RALYL: variants seen among roughly 807,000 people sequenced by gnomAD.
The protein encoded by RALYL is RALY RNA binding protein like.
A neutral mutation model predicts 35.1 loss-of-function variants in RALYL; 29 were observed. The observed-to-expected ratio is 0.83, with a 90% CI of 0.61 to 1.13. The LOEUF is 1.13. Among genes scored for constraint, RALYL ranks in the 50% most tolerant of loss-of-function variants. The pLI is 0.00. For missense variants in RALYL, 359 were observed against 360.4 expected, an observed-to-expected ratio of 1.00 and a Z score of 0.03; for synonymous variants, 120 against 127.6, an observed-to-expected ratio of 0.94 and a Z score of 0.40.
At chr8:84,506,610 T>A (rs2134323177) in intron 1 of RALYL, among the ~76,000 whole-genome samples, 1 of 152,116 alleles carries the variant, frequency 6.6e-6, no homozygotes, top group Admixed American at 6.6e-5. Context: ...CTGAATATCA[T>A]AAAAATTTTA....
At chr8:84,477,733 AT>A (rs1216643046) in intron 1 of RALYL, among the ~76,000 whole-genome samples, 10 of 151,568 alleles carry the variant, frequency 6.6e-5, no homozygotes, top group African/African-American at 1.9e-4. Flanking sequence ...ACAGAAAGTA[AT>A]TTTTACCATT....
chr8:84,876,305 A>G (rs1350066563), intron 7 of RALYL, among the ~76,000 whole-genome samples: 1 of 152,202 alleles, frequency 6.6e-6, no homozygotes, highest in African/African-American at 2.4e-5. Context: ...TCTGGCTTCT[A>G]AAACTATGAT....
chr8:84,792,092 A>C (rs1286992990), intron 3 of RALYL, among the ~76,000 whole-genome samples: 1 of 152,256 alleles, frequency 6.6e-6, no homozygotes, highest in African/African-American at 2.4e-5. Context: ...CCAAAGCCCA[A>C]GTGGACATGT....
rs554019103 is a variant in RALYL at position 84,435,492 on chromosome 8, A to G, written c.-23-93807A>G. 7.2e-4 allele frequency among the ~76,000 whole-genome samples: 110 copies of G among 152,298 alleles called. 1 individual carries two copies. The highest frequency in any genetic ancestry group is 2.6e-3 in the African/African-American group (109 of 41,574). ...GAAATTTTAGAGAAAAAAGGGAAAA[A>G]TATTCAGAGGGGACTTTTTAATGAA... On this transcript the variant is annotated intron_variant, in intron 1 of 8. Coordinates refer to ENST00000521268, the MANE Select transcript of RALYL (RefSeq NM_173848.7).
At chr8:84,233,589 C>T (rs1825843011) in intron 1 of RALYL, among the ~76,000 whole-genome samples, 1 of 152,062 alleles carries the variant, frequency 6.6e-6, no homozygotes, top group South Asian at 2.1e-4. Context: ...ACCACTCTGC[C>T]ACCTCCATTC....
At chr8:84,488,662 A>G (rs2054912117) in intron 1 of RALYL, among the ~76,000 whole-genome samples, 1 of 151,938 alleles carries the variant, frequency 6.6e-6, no homozygotes, top group African/African-American at 2.4e-5. Flanking sequence ...AAGTTATCCC[A>G]TTTCCCATTC....
intron 2 of RALYL, among the ~76,000 whole-genome samples, chr8:84,606,932 T>A (rs1036218827): frequency 6.6e-6 from 1 of 152,132 alleles, no homozygotes; most frequent in African/African-American, 2.4e-5. Flanking sequence ...CTTAATAATA[T>A]TTTTATTTCA....
intron 1 of RALYL, 44 bp from the exon 2 acceptor site, chr8:84,529,255 T>C: frequency 7.8e-6 from 12 of 1,540,478 alleles, no homozygotes; most frequent in Non-Finnish European, 1.1e-5. Flanking sequence ...TCTAATGATT[T>C]ACCTTTTGAT....
chr8:84,802,967 T>C (rs1438497820), intron 3 of RALYL, among the ~76,000 whole-genome samples: 2 of 152,074 alleles, frequency 1.3e-5, no homozygotes. Context: ...ACATGGAGGC[T>C]GAAAAAAGAG....
At chr8:84,912,566 C>T (rs995718972) in intron 8 of RALYL, among the ~76,000 whole-genome samples, 7 of 152,134 alleles carry the variant, frequency 4.6e-5, no homozygotes, top group Non-Finnish European at 7.4e-5. Flanking sequence ...ATATTGTTAG[C>T]AGAAGAGGAT....
intron 8 of RALYL, among the ~76,000 whole-genome samples, chr8:84,898,932 C>T (rs60630566): frequency 0.05 from 7,558 of 152,260 alleles, 612 homozygotes; most frequent in African/African-American, 0.17. Context: ...ATGCCTTTCT[C>T]TTCAACTAGA....
chr8:84,646,383 T>C (rs1420300792), intron 2 of RALYL, among the ~76,000 whole-genome samples: 1 of 152,098 alleles, frequency 6.6e-6, no homozygotes, highest in Non-Finnish European at 1.5e-5. Context: ...CTGCTTTCAG[T>C]GTTTATCTTT....
intron 1 of RALYL, among the ~76,000 whole-genome samples, chr8:84,335,709 CTT>C (rs548185561): frequency 1.3e-3 from 113 of 85,218 alleles, no homozygotes; most frequent in Middle Eastern, 8.1e-3. Context: ...GTTTTCTTAC[CTT>C]TTTTTTTTTT....
intron 1 of RALYL, among the ~76,000 whole-genome samples, chr8:84,469,580 T>G (rs1166774588): frequency 6.6e-6 from 1 of 152,132 alleles, no homozygotes; most frequent in Non-Finnish European, 1.5e-5. Context: ...TCTGCAGAGG[T>G]TACTGCTGTC....
At chr8:84,786,197 G>C (rs770844515) in intron 3 of RALYL, among the ~76,000 whole-genome samples, 2 of 152,094 alleles carry the variant, frequency 1.3e-5, no homozygotes, top group Non-Finnish European at 2.9e-5. Context: ...CACAGTATAC[G>C]TATACCACAT....
chr8:84,298,417 A>G (rs1157247969), intron 1 of RALYL, among the ~76,000 whole-genome samples: 1 of 151,042 alleles, frequency 6.6e-6, no homozygotes, highest in Non-Finnish European at 1.5e-5. Flanking sequence ...GCCATTGTCT[A>G]TTGTGTTTGT....
chr8:84,658,972 G>C (rs1193699770), intron 2 of RALYL, among the ~76,000 whole-genome samples: 2 of 152,128 alleles, frequency 1.3e-5, no homozygotes, highest in Non-Finnish European at 2.9e-5. Context: ...ACTGAAAGGA[G>C]CATTGCTAAG....
intron 4 of RALYL, among the ~76,000 whole-genome samples, chr8:84,816,766 G>A (rs1451778364): frequency 6.6e-6 from 1 of 152,032 alleles, no homozygotes. Flanking sequence ...GAGTGTAATT[G>A]GATTGTTTGT....
Position 84,679,898 on chromosome 8 carries a change from C to T in RALYL, c.257-94681C>T, listed in dbSNP as rs7817712. 703 of 338,228 alleles carry T rather than the reference C, an allele frequency of 2.1e-3. 7 individuals carry two copies. The highest frequency in any genetic ancestry group is 0.013 in the African/African-American group (616 of 46,574). 21.0% of individuals were successfully genotyped at this position (338,228 alleles called of 1,614,324 possible). On this transcript the variant is annotated intron_variant, in intron 2 of 8. Transcript: ENST00000521268. ...TAAGTTTTAGGGTACATGTGCACAACGTGCAGGTTTGTTACATGTATATAC... is the reference window on the plus strand; with the variant it reads ...TAAGTTTTAGGGTACATGTGCACAATGTGCAGGTTTGTTACATGTATATAC...
Sources: gnomAD v4.1 joint callset for allele counts (sites outside exome capture counted in the v4.1 genomes callset) on GRCh38, gnomAD v4.1.1 for gene constraint, MANE v1.5 for transcripts, NCBI Gene and HGNC (gene_info 2026-07-23, HGNC 2026-07-21) for gene names.